The following UBR3 variants were observed in gnomAD, a reference collection of about 807,000 sequenced individuals.
The protein encoded by UBR3 is ubiquitin protein ligase E3 component n-recognin 3, also known as E3 ubiquitin-protein ligase UBR3.
UBR3 carries 85 observed loss-of-function variants against 243.2 expected under a neutral mutation model. The ratio of observed to expected loss-of-function variants is 0.35; its 90% CI spans 0.29 to 0.42. The LOEUF is 0.42. Among genes scored for constraint, UBR3 ranks in the 10% least tolerant of loss-of-function variants. The pLI is 1.00. For synonymous variants in UBR3, 748 were observed against 799.8 expected, an observed-to-expected ratio of 0.94 and a Z score of 1.09; for missense variants, 1,686 against 2,300.8, an observed-to-expected ratio of 0.73 and a Z score of 5.47.
intron 1 of UBR3, among the ~76,000 whole-genome samples, chr2:169,833,958 T>C (rs1037105527): frequency 4.6e-5 from 7 of 152,112 alleles, no homozygotes; most frequent in African/African-American, 1.7e-4. Flanking sequence ...AAATTTCTTT[T>C]TGTATTTTTT....
At chr2:169,979,913 T>A (rs2088639589) in intron 24 of UBR3, among the ~76,000 whole-genome samples, 1 of 152,112 alleles carries the variant, frequency 6.6e-6, no homozygotes, top group African/African-American at 2.4e-5. Context: ...GTTGGGGTGA[T>A]CCCAGGATGG....
At chr2:170,016,994 C>A in intron 30 of UBR3, 1 of 285,756 alleles carries the variant, frequency 3.5e-6, no homozygotes, top group Non-Finnish European at 5.8e-6. Context: ...TTAATAAAAG[C>A]AGCCTGTAAG....
chr2:169,845,679 G>A (rs530712171), intron 1 of UBR3, among the ~76,000 whole-genome samples: 6 of 151,172 alleles, frequency 4.0e-5, no homozygotes, highest in East Asian at 4.0e-4. Flanking sequence ...TCCATCTCCC[G>A]GGTTCAAGCG....
At chr2:169,847,211 A>G (rs1372491292) in intron 1 of UBR3, among the ~76,000 whole-genome samples, 1 of 152,062 alleles carries the variant, frequency 6.6e-6, no homozygotes, top group East Asian at 1.9e-4. Flanking sequence ...ATTTACATTT[A>G]AAACAATTAT....
intron 5 of UBR3, among the ~76,000 whole-genome samples, chr2:169,886,332 AC>A: frequency 6.6e-6 from 1 of 152,178 alleles, no homozygotes; most frequent in Non-Finnish European, 1.5e-5. Context: ...TGATTTTACA[AC>A]ATTCCTGACA....
At position 169,845,492 on chromosome 2, in the gene UBR3, TTCGTCGTCATCGTCG is replaced by T. The variant is rs1382134304; in HGVS notation, c.545+17449_545+17463del. Among the ~76,000 whole-genome samples the T allele has an allele frequency of 2.3e-3, 284 of 123,510 alleles. 2 individuals are homozygous for T. Among genetic ancestry groups the T allele is most frequent in the Admixed American group, 4.8e-3 (60 of 12,476 alleles). 81.0% of individuals were successfully genotyped at this position (123,510 alleles called of 152,430 possible). A position where few individuals can be genotyped will look rare whatever the true frequency, so the allele number is the denominator to read the frequency against. On this transcript the variant is annotated intron_variant, in intron 1 of 38. Transcript: ENST00000272793. ...TGACTATTAGTAATTCCTTTCCCTC[TTCGTCGTCATCGTCG>T]TCGTCGTCGTCGTCGTCGTCGTCGT...
chr2:169,889,563 C>A (rs760311587), intron 5 of UBR3, among the ~76,000 whole-genome samples: 23 of 152,096 alleles, frequency 1.5e-4, no homozygotes, highest in Non-Finnish European at 2.8e-4. Flanking sequence ...CTTCATATTT[C>A]TTTCTGGTGA....
At chr2:170,078,501 C>T (rs976237825) in intron 36 of UBR3, among the ~76,000 whole-genome samples, 1 of 152,172 alleles carries the variant, frequency 6.6e-6, no homozygotes, top group Non-Finnish European at 1.5e-5. Flanking sequence ...CCCATATATA[C>T]TGGTTGCTGT....
At chr2:169,935,156 T>TA (rs1190604860) in intron 19 of UBR3, among the ~76,000 whole-genome samples, 1 of 152,116 alleles carries the variant, frequency 6.6e-6, no homozygotes, top group African/African-American at 2.4e-5. Flanking sequence ...TCAGTGAAAA[T>TA]ATGTCTGTTT....
At position 169,950,136 on chromosome 2, in the gene UBR3, T is replaced by G. The variant is rs116101815; in HGVS notation, c.3545+71T>G. 1,182 of 1,385,684 alleles carry G rather than the reference T, an allele frequency of 8.5e-4. 6 individuals carry two copies. In the African/African-American group the frequency reaches 0.015, roughly 18 times the overall value. 85.8% of individuals were successfully genotyped at this position (1,385,684 alleles called of 1,614,324 possible). A position where few individuals can be genotyped will look rare whatever the true frequency, so the allele number is the denominator to read the frequency against. ...TTGATATTTTCTTCCTTTTGGTCAT[T>G]TGAGGATAATCACCTGGATGTTTAA... On this transcript the variant is annotated intron_variant, in intron 23 of 38. Coordinates refer to ENST00000272793, the MANE Select transcript of UBR3 (RefSeq NM_172070.4).
At chr2:169,977,012 A>G (rs78922509) in intron 24 of UBR3, among the ~76,000 whole-genome samples, 1 of 151,122 alleles carries the variant, frequency 6.6e-6, no homozygotes, top group Non-Finnish European at 1.5e-5. Context: ...TTTCTGTGGT[A>G]TTTTTTTGTT....
At chr2:169,932,504 G>A (rs2086173406) in intron 18 of UBR3, among the ~76,000 whole-genome samples, 1 of 152,096 alleles carries the variant, frequency 6.6e-6, no homozygotes, top group Admixed American at 6.5e-5. Context: ...GTTCAGGTGA[G>A]CCTCCTGCCT....
chr2:169,886,560 G>A (rs921559815), intron 5 of UBR3, among the ~76,000 whole-genome samples: 5 of 151,988 alleles, frequency 3.3e-5, no homozygotes, highest in African/African-American at 7.3e-5. Flanking sequence ...TTTCTGTCGC[G>A]CATAGTTCTT....
chr2:170,081,962 C>T lies in UBR3; in HGVS notation c.*119C>T. On this transcript the variant is annotated 3_prime_UTR_variant, in exon 39 of 39. Transcript: ENST00000272793. ...TGCTGAGGGAGAAAAAGAAAACATA[C>T]ATTATGAAGCCTTTCCAAAATTAGG... is the stretch of plus-strand genomic sequence containing the variant. The T allele has an allele frequency of 2.9e-6, 2 of 693,670 alleles. No individual in the cohort carries two copies. Among genetic ancestry groups the T allele is most frequent in the Non-Finnish European group, 2.2e-6 (1 of 448,364 alleles). 43.0% of individuals were successfully genotyped at this position (693,670 alleles called of 1,614,324 possible). A position where few individuals can be genotyped will look rare whatever the true frequency, so the allele number is the denominator to read the frequency against.
intron 33 of UBR3, among the ~76,000 whole-genome samples, chr2:170,056,696 A>C (rs184162935): frequency 1.5e-4 from 23 of 152,328 alleles, no homozygotes; most frequent in African/African-American, 5.1e-4. Flanking sequence ...AGGAGAGAAA[A>C]CCAATTATAA....
At chr2:169,994,486 G>C (rs1241353187) in intron 26 of UBR3, 30 bp downstream of exon 26, 2 of 1,573,976 alleles carry the variant, frequency 1.3e-6, no homozygotes, top group South Asian at 1.2e-5. Context: ...TAGTACTTTT[G>C]TCTGCCAAGT....
chr2:170,065,513 G>A (rs937422690), intron 35 of UBR3, among the ~76,000 whole-genome samples: 5 of 152,036 alleles, frequency 3.3e-5, no homozygotes, highest in Admixed American at 1.3e-4. Flanking sequence ...GGCTGGTCTC[G>A]AATTCCTGGC....
Position 170,073,498 on chromosome 2 carries a change from C to T in UBR3, c.5090C>T (p.Pro1697Leu). The change falls in exon 36 of 39, where the codon CCA becomes CTA. Residue 1697 changes from proline (P) to leucine (L), a missense_variant. Physicochemically the swap from Pro to Leu is moderately conservative, Grantham distance 98. This residue lies in a region of UBR3 where 371 missense variants were observed against 422.5 expected (regional missense o/e 0.88). Transcript: ENST00000272793. ...LLPTFYQTEH[P>L]FISASCLDWP... ...CCAACGTTTTACCAAACAGAACATCCATTCATCAGTGCCTCCTGTCTGGAT... is the reference window on the plus strand; with the variant it reads ...CCAACGTTTTACCAAACAGAACATCTATTCATCAGTGCCTCCTGTCTGGAT... 1.2e-6 allele frequency: 2 copies of T among 1,613,842 alleles called. No homozygotes were observed. The highest frequency in any genetic ancestry group is 1.7e-6 in the Non-Finnish European group (2 of 1,179,776).
intron 1 of UBR3, among the ~76,000 whole-genome samples, chr2:169,841,738 C>T (rs1447443622): frequency 8.5e-5 from 13 of 152,352 alleles, no homozygotes; most frequent in Admixed American, 2.6e-4. Flanking sequence ...GCGCTGTGCT[C>T]GATTTCTCTC....
Sources: gnomAD v4.1 joint callset for allele counts (sites outside exome capture counted in the v4.1 genomes callset) on GRCh38, gnomAD v4.1.1 for gene constraint, gnomAD v4.1.1 regional missense constraint, MANE v1.5 for transcripts, NCBI Gene and HGNC (gene_info 2026-07-23, HGNC 2026-07-21) for gene names.